Variants in MGST2 observed in about 807,000 individuals in gnomAD.
MGST2 encodes microsomal glutathione S-transferase 2.
MGST2 carries 9 observed loss-of-function variants against 16.6 expected under a neutral mutation model. That is an observed-to-expected ratio of 0.54 (90% confidence interval 0.33 to 0.95). MGST2 has a LOEUF of 0.95. Ranked by LOEUF, MGST2 falls within the 40% of genes least tolerant of loss-of-function variation. The pLI is 0.03. For missense variants in MGST2, 159 were observed against 175.1 expected (o/e 0.91, Z 0.52); for synonymous variants, 79 against 68.0 (o/e 1.16, Z -0.79).
At chr4:139,674,245 T>C (rs9998395) in intron 1 of MGST2, among the ~76,000 whole-genome samples, 1 of 152,066 alleles carries the variant, frequency 6.6e-6, no homozygotes, top group African/African-American at 2.4e-5. Flanking sequence ...TTATGTCAGA[T>C]GTACATTGGT....
chr4:139,668,591 GAC>G (rs146295438), intron 1 of MGST2, among the ~76,000 whole-genome samples: 13 of 132,136 alleles, frequency 9.8e-5, no homozygotes, highest in South Asian at 4.9e-4. Context: ...GTTCAAGAAA[GAC>G]ACAGAGAGAG....
At chr4:139,730,648 A>C in intron 5 of MGST2, 1 of 1,612,676 alleles carries the variant, frequency 6.2e-7, no homozygotes, top group Non-Finnish European at 8.5e-7. Context: ...GGTTCGGGGA[A>C]GTCCAACTGG....
chr4:139,732,741 AGGCCTCTC>A, intron 5 of MGST2, among the ~76,000 whole-genome samples: 1 of 152,328 alleles, frequency 6.6e-6, no homozygotes, highest in East Asian at 1.9e-4. Flanking sequence ...CTACTAGCTC[AGGCCTCTC>A]CCAGGCAGTG....
chr4:139,729,507 A>G (rs1728616915), intron 5 of MGST2, among the ~76,000 whole-genome samples: 1 of 152,200 alleles, frequency 6.6e-6, no homozygotes, highest in African/African-American at 2.4e-5. Context: ...AATATTCTAG[A>G]AGGATAACTG....
chr4:139,705,797 G>A (rs527645229), downstream of MGST2: 12 of 152,162 alleles, frequency 7.9e-5, no homozygotes, highest in Non-Finnish European at 1.8e-4. Context: ...GTGGGGTTTG[G>A]AGGGTGATAC....
chr4:139,725,971 G>C (rs1389179116), intron 5 of MGST2: 1 of 695,202 alleles, frequency 1.4e-6, no homozygotes, highest in Non-Finnish European at 2.5e-6. Flanking sequence ...ATGCATACAG[G>C]CAAGTGCACA....
intron 3 of MGST2, among the ~76,000 whole-genome samples, chr4:139,700,713 A>T (rs1226569044): frequency 6.6e-6 from 1 of 151,864 alleles, no homozygotes; most frequent in African/African-American, 2.4e-5. Flanking sequence ...GTATGTAGCG[A>T]CTCTACAAAC....
At chr4:139,705,162 G>A (rs1234747085), downstream of MGST2, among the ~76,000 whole-genome samples, 2 of 152,146 alleles carry the variant, frequency 1.3e-5, no homozygotes, top group Middle Eastern at 3.2e-3. Flanking sequence ...GGATTCAGGT[G>A]TGAGCCACTC....
chr4:139,680,006 A>G (rs1236141611), intron 2 of MGST2, among the ~76,000 whole-genome samples: 1 of 152,162 alleles, frequency 6.6e-6, no homozygotes, highest in East Asian at 1.9e-4. Context: ...CTCTCCCTCT[A>G]TCCCTAGAGA....
intron 5 of MGST2, chr4:139,719,597 A>G: frequency 1.9e-6 from 3 of 1,613,316 alleles, no homozygotes; most frequent in South Asian, 1.1e-5. Flanking sequence ...CAGGCCAGAC[A>G]TGACCATTGG....
intron 2 of MGST2, chr4:139,685,311 G>C (rs1339734019): frequency 6.2e-6 from 1 of 160,506 alleles, no homozygotes; most frequent in African/African-American, 2.4e-5. Flanking sequence ...CTTTGGGAGG[G>C]ACGCACATGG....
chr4:139,730,741 G>A (rs1728673115), intron 5 of MGST2: 3 of 1,385,602 alleles, frequency 2.2e-6, no homozygotes, highest in South Asian at 1.3e-5. Context: ...GAAGCCCCTG[G>A]AAAAAGGGAA....
At chr4:139,668,623 AG>A (rs71584326) in intron 1 of MGST2, among the ~76,000 whole-genome samples, 2 of 117,934 alleles carry the variant, frequency 1.7e-5, no homozygotes, top group African/African-American at 3.3e-5. Flanking sequence ...GAGGAGGGGG[AG>A]GGGGTAGAGG....
intron 5 of MGST2, among the ~76,000 whole-genome samples, chr4:139,724,508 A>G (rs1404122423): frequency 2.0e-5 from 3 of 152,216 alleles, no homozygotes; most frequent in Admixed American, 6.5e-5. Context: ...GTTCAGGGAT[A>G]CTTGTGAAAT....
At chr4:139,695,742 C>G (rs183388490) in intron 3 of MGST2, among the ~76,000 whole-genome samples, 96 of 152,278 alleles carry the variant, frequency 6.3e-4, no homozygotes, top group African/African-American at 2.2e-3. Context: ...TGGCTTCATT[C>G]TAATTTAATT....
chr4:139,738,419 T>C (rs534243663), intron 5 of MGST2, among the ~76,000 whole-genome samples: 17 of 152,284 alleles, frequency 1.1e-4, no homozygotes, highest in African/African-American at 4.1e-4. Flanking sequence ...GGCGTGTGCC[T>C]GTAGTCCCAG....
At chr4:139,752,522 A>G in the MGST2 span, among the ~76,000 whole-genome samples, 6 of 152,166 alleles carry the variant, frequency 3.9e-5, no homozygotes, top group Admixed American at 3.9e-4. Flanking sequence ...TTTGGGGTCA[A>G]AAAGAGGATG....
chr4:139,743,911 C>T (rs1168315743), downstream of MGST2, among the ~76,000 whole-genome samples: 1 of 152,166 alleles, frequency 6.6e-6, no homozygotes, highest in East Asian at 1.9e-4. Context: ...TCCTCATGTA[C>T]ATTCATGTAC....
intron 2 of MGST2, among the ~76,000 whole-genome samples, chr4:139,694,614 G>C (rs1318151382): frequency 6.6e-6 from 1 of 152,106 alleles, no homozygotes; most frequent in Non-Finnish European, 1.5e-5. Context: ...TCTATGAATA[G>C]AGGCAATATG....
Sources: allele counts gnomAD v4.1 joint callset (sites outside exome capture counted in the v4.1 genomes callset), GRCh38; gene constraint gnomAD v4.1.1; transcripts MANE v1.5; gene names NCBI Gene and HGNC (gene_info 2026-07-23, HGNC 2026-07-21).